The following SULT1C3 variants were observed in gnomAD, a reference collection of about 807,000 sequenced individuals.
The protein encoded by SULT1C3 is sulfotransferase 1C3.
A neutral mutation model predicts 28.4 loss-of-function variants in SULT1C3; 31 were observed. That is an observed-to-expected ratio of 1.09 (90% CI 0.82 to 1.47). The LOEUF (loss-of-function observed/expected upper bound fraction) is 1.47, where lower values mean the gene tolerates loss of function less well. Among genes scored for constraint, SULT1C3 ranks in the 40% most tolerant of loss-of-function variants. The probability of loss-of-function intolerance (pLI) is 0.00; values close to 1 mark genes in which losing one functional copy is unlikely to be tolerated. For synonymous variants in SULT1C3, 106 were observed against 92.2 expected (o/e 1.15, Z -0.86); for missense variants, 307 against 272.5 (o/e 1.13, Z -0.89).
At chr2:108,243,118 G>A (rs2104381248) in intron 1 of SULT1C3, among the ~76,000 whole-genome samples, 1 of 152,316 alleles carries the variant, frequency 6.6e-6, no homozygotes, top group East Asian at 1.9e-4. Context: ...TTAACCGTGA[G>A]TGTGCAAGGC....
rs1675852059 is a variant in SULT1C3 at position 108,255,708 on chromosome 2, A to T, written c.526+10A>T. 1 of 1,608,240 alleles carries T rather than the reference A, an allele frequency of 6.2e-7. No individual in the cohort carries two copies. The highest frequency in any genetic ancestry group is 8.5e-7 in the Non-Finnish European group (1 of 1,176,536). On this transcript the variant is annotated intron_variant, in intron 5 of 7. Transcript: ENST00000681802. ...TTCATGTCCGGAAAAGGTGAGTTCAAACTGATCTTTTTGGTACCCTCTTTC... is the reference window on the plus strand; with the variant it reads ...TTCATGTCCGGAAAAGGTGAGTTCATACTGATCTTTTTGGTACCCTCTTTC...
chr2:108,251,884 G>A lies in SULT1C3; in HGVS notation c.173-481G>A, dbSNP rs117772479. Among the ~76,000 whole-genome samples, 434 of 152,028 alleles carry A rather than the reference G, an allele frequency of 2.9e-3. 7 individuals are homozygous for A. The East Asian group carries it at 0.029, about 10-fold the overall frequency. On this transcript the variant is annotated intron_variant, in intron 2 of 7. Transcript: ENST00000681802. ...AGGTTGAGTATCTCATGTTATTAAG[G>A]ATTTATTATAAACTAGATGTGATGA...
chr2:108,256,878 T>C (rs1463436193), intron 5 of SULT1C3, among the ~76,000 whole-genome samples: 1 of 151,950 alleles, frequency 6.6e-6, no homozygotes, highest in Non-Finnish European at 1.5e-5. Flanking sequence ...ATAAGAAAAA[T>C]AGCAAATCTA....
rs186837823 is a variant in SULT1C3 at position 108,243,344 on chromosome 2, T to C, written c.-8+3261T>C. 2.3e-3 allele frequency among the ~76,000 whole-genome samples: 350 copies of C among 152,196 alleles called. 1 individual carries two copies. Among genetic ancestry groups the C allele is most frequent in the African/African-American group, 8.2e-3 (339 of 41,544 alleles). On this transcript the variant is annotated intron_variant, in intron 1 of 7. Transcript: ENST00000681802. ...GTAACAGCTCCTTCTTAAGATATGT[T>C]TCCAGGGCCGGGCGCGGTGGCTCAC...
downstream of SULT1C3, among the ~76,000 whole-genome samples, chr2:108,264,489 A>G (rs957948591): frequency 2.6e-5 from 4 of 152,128 alleles, no homozygotes; most frequent in African/African-American, 9.7e-5. Context: ...GTTCTCCCCC[A>G]GGAGATATCA....
rs75038326 is a variant in SULT1C3, at chr2:108,257,818, T to A, written c.527-916T>A. On this transcript the variant is annotated intron_variant, in intron 5 of 7. Transcript: ENST00000681802. ...CATCCGCTGGGGGTCATGTGATATATCCCCTGTGCATAAGGATGAACTAAT... is the reference window on the plus strand; with the variant it reads ...CATCCGCTGGGGGTCATGTGATATAACCCCTGTGCATAAGGATGAACTAAT... 2.8e-3 allele frequency among the ~76,000 whole-genome samples: 432 copies of A among 152,160 alleles called. 7 individuals are homozygous for A. In the East Asian group the frequency reaches 0.029, roughly 10 times the overall value.
At chr2:108,243,157 A>G (rs1675502328) in intron 1 of SULT1C3, among the ~76,000 whole-genome samples, 1 of 152,190 alleles carries the variant, frequency 6.6e-6, no homozygotes, top group Non-Finnish European at 1.5e-5. Context: ...GCAGCTTTTG[A>G]AACTATCATT....
intron 5 of SULT1C3, among the ~76,000 whole-genome samples, chr2:108,257,104 G>A (rs1331649114): frequency 6.6e-6 from 1 of 151,978 alleles, no homozygotes; most frequent in Non-Finnish European, 1.5e-5. Context: ...TTCTGTGAAA[G>A]TGTCAATTGT....
chr2:108,247,741 A>C (rs17768655), intron 2 of SULT1C3, among the ~76,000 whole-genome samples: 9,427 of 152,266 alleles, frequency 0.062, 323 homozygotes, highest in African/African-American at 0.074. Flanking sequence ...ATTATCTCAG[A>C]TATTAAACAC....
intron 5 of SULT1C3, among the ~76,000 whole-genome samples, chr2:108,257,388 T>C (rs1675892079): frequency 6.6e-6 from 1 of 152,024 alleles, no homozygotes; most frequent in African/African-American, 2.4e-5. Context: ...ATTATATATG[T>C]ACATTTATCT....
rs755267977 is a variant in SULT1C3 at position 108,258,741 on chromosome 2, C to G, written c.534C>G (p.Gly178=). 6 of 1,611,458 alleles carry G rather than the reference C, an allele frequency of 3.7e-6. No individual in the cohort carries two copies. The highest frequency in any genetic ancestry group is 5.1e-6 in the Non-Finnish European group (6 of 1,178,554). Residue 178 remains glycine (G), a synonymous_variant, in exon 6 of 8, where the codon GGC becomes GGG. Coordinates refer to ENST00000681802, the MANE Select transcript of SULT1C3 (RefSeq NM_001320878.2). ...TGCTCTGACTTCTTCCAGTTGTTGG[C>G]GGGTCCTGGTTTGACCATGTGAAAG... ...YEKFMSGKVV[G]GSWFDHVKGW...
At chr2:108,245,239 A>G (rs1291365127) in intron 1 of SULT1C3, among the ~76,000 whole-genome samples, 1 of 152,190 alleles carries the variant, frequency 6.6e-6, no homozygotes, top group Non-Finnish European at 1.5e-5. Context: ...CATACTGTCC[A>G]CAGGCAGTCT....
In SULT1C3 at chr2:108,260,752, C is replaced by A. The variant is rs1558667225; in HGVS notation, c.*72C>A. On this transcript the variant is annotated 3_prime_UTR_variant, in exon 8 of 8. Coordinates refer to ENST00000681802, the MANE Select transcript of SULT1C3 (RefSeq NM_001320878.2). ...GCCTTTTATTCTGTTGAGCAAGGAA[C>A]TGTGACTGAATGTGGAGCTTATGAG... The A allele has an allele frequency of 9.2e-6, 4 of 434,682 alleles. No homozygotes were observed. Among genetic ancestry groups the A allele is most frequent in the South Asian group, 6.7e-5 (4 of 59,952 alleles). The allele number at this position is 434,682 out of a possible 1,614,324, so 26.9% of individuals were successfully genotyped here. A position where few individuals can be genotyped will look rare whatever the true frequency, so the allele number is the denominator to read the frequency against.
At chr2:108,251,595 A>G (rs966465420) in intron 2 of SULT1C3, among the ~76,000 whole-genome samples, 1 of 152,046 alleles carries the variant, frequency 6.6e-6, no homozygotes, top group South Asian at 2.1e-4. Flanking sequence ...ATTCCAGTTT[A>G]TGGGAAATAG....
At chr2:108,243,082 C>G (rs1377687378) in intron 1 of SULT1C3, among the ~76,000 whole-genome samples, 1 of 152,132 alleles carries the variant, frequency 6.6e-6, no homozygotes, top group African/African-American at 2.4e-5. Flanking sequence ...ACAGGTGAAA[C>G]CAATGAGCCT....
At chr2:108,254,787 A>ATG (rs1675826072) in intron 4 of SULT1C3, among the ~76,000 whole-genome samples, 1 of 151,038 alleles carries the variant, frequency 6.6e-6, no homozygotes, top group East Asian at 2.0e-4. Context: ...ATATATGTAT[A>ATG]TATGTATGTA....
chr2:108,242,306 T>C (rs1407712693), intron 1 of SULT1C3, among the ~76,000 whole-genome samples: 1 of 152,202 alleles, frequency 6.6e-6, no homozygotes, highest in Non-Finnish European at 1.5e-5. Flanking sequence ...ACAAAACATA[T>C]ATAGCAGCAC....
intron 5 of SULT1C3, among the ~76,000 whole-genome samples, chr2:108,256,528 C>T (rs1047140789): frequency 2.6e-5 from 4 of 152,042 alleles, no homozygotes; most frequent in African/African-American, 4.8e-5. Flanking sequence ...ATTTCACTAA[C>T]GTCTCTCAAA....
At chr2:108,251,182 T>C (rs759006875) in intron 2 of SULT1C3, among the ~76,000 whole-genome samples, 1 of 152,058 alleles carries the variant, frequency 6.6e-6, no homozygotes, top group Non-Finnish European at 1.5e-5. Context: ...GGAATTGCAG[T>C]TCTTCCCTGA....
Sources: allele counts gnomAD v4.1 joint callset (sites outside exome capture counted in the v4.1 genomes callset), GRCh38; gene constraint gnomAD v4.1.1; transcripts MANE v1.5; gene names NCBI Gene and HGNC (gene_info 2026-07-23, HGNC 2026-07-21).